Variants in ATP8B4 observed in about 807,000 individuals in gnomAD.
ATP8B4 encodes probable phospholipid-transporting ATPase IM.
Under a neutral mutation model 145.6 loss-of-function variants are expected in ATP8B4, and 133 were observed. That is an observed-to-expected ratio of 0.91 (90% CI 0.79 to 1.05). The LOEUF is 1.05. Ranked by LOEUF, ATP8B4 falls within the 50% of genes least tolerant of loss-of-function variation. The pLI is 0.00. For synonymous variants in ATP8B4, 507 were observed against 492.9 expected (o/e 1.03, Z -0.38); for missense variants, 1,458 against 1,425.2 (o/e 1.02, Z -0.37).
intron 25 of ATP8B4, among the ~76,000 whole-genome samples, chr15:49,873,053 T>G (rs1324746074): frequency 1.3e-5 from 2 of 152,228 alleles, no homozygotes; most frequent in African/African-American, 4.8e-5. Flanking sequence ...TTAAAGAAAT[T>G]ATTCCTGTTT....
rs571600131 is a variant in ATP8B4, at chr15:49,994,323, C to T, written c.589+2354G>A. ...TTCCTCCTCACCCCATCGTTTCACACTCTCTTCCCAGTCTCTTTACGTTAG... is the reference window on the plus strand; with the variant it reads ...TTCCTCCTCACCCCATCGTTTCACATTCTCTTCCCAGTCTCTTTACGTTAG... On this transcript the variant is annotated intron_variant, in intron 9 of 27. Coordinates refer to ENST00000284509, the MANE Select transcript of ATP8B4 (RefSeq NM_024837.4). Among the ~76,000 whole-genome samples, 3 of 152,276 alleles carry T rather than the reference C, an allele frequency of 2.0e-5. No homozygotes were observed. The South Asian group carries it at 6.2e-4, about 32-fold the overall frequency.
intron 10 of ATP8B4, 36 bp from the exon 11 acceptor site, chr15:49,981,330 G>T (rs763685720): frequency 2.7e-6 from 4 of 1,462,490 alleles, no homozygotes; most frequent in East Asian, 2.3e-5. Context: ...ACTTTGAAAT[G>T]ATATGATTAT....
At chr15:49,931,347 A>G in intron 15 of ATP8B4, 40 bp from the exon 16 acceptor site, 1 of 1,568,842 alleles carries the variant, frequency 6.4e-7, no homozygotes, top group Non-Finnish European at 8.7e-7. Context: ...ACTGACTAAC[A>G]GCTAACATTC....
chr15:49,870,298 G>A lies in ATP8B4; in HGVS notation c.3028-3814C>T, dbSNP rs80041576. On this transcript the variant is annotated intron_variant, in intron 25 of 27. Transcript: ENST00000284509. ...CCTTTTGTTAAATATGTGTGTATGC[G>A]TCGTCTCAAAGTACAGAAAATGTAT... Among the ~76,000 whole-genome samples, 1,140 of 152,114 alleles carry A rather than the reference G, an allele frequency of 7.5e-3. 12 individuals are homozygous for A. The highest frequency in any genetic ancestry group is 0.026 in the African/African-American group (1,083 of 41,508).
chr15:49,966,285 T>C (rs527832594), intron 13 of ATP8B4, among the ~76,000 whole-genome samples: 1 of 152,116 alleles, frequency 6.6e-6, no homozygotes, highest in South Asian at 2.1e-4. Flanking sequence ...TTCACACCCC[T>C]GGAAAGGGGA....
intron 13 of ATP8B4, among the ~76,000 whole-genome samples, chr15:49,967,759 A>G (rs1262692318): frequency 6.6e-6 from 1 of 152,230 alleles, no homozygotes; most frequent in African/African-American, 2.4e-5. Flanking sequence ...ATTCAAATTC[A>G]GAAAATACAG....
In ATP8B4 at chr15:49,861,641, C is replaced by T. The variant is rs908460879; in HGVS notation, c.3297+604G>A. 1.8e-4 allele frequency among the ~76,000 whole-genome samples: 27 copies of T among 152,268 alleles called. No homozygotes were observed. In the East Asian group the frequency reaches 4.8e-3, roughly 27 times the overall value. On this transcript the variant is annotated intron_variant, in intron 27 of 27. Coordinates refer to ENST00000284509, the MANE Select transcript of ATP8B4 (RefSeq NM_024837.4). ...GAGTCCTGACCTAAGTTGATATTGT[C>T]CTACTTACTCCTCTTCCCATGAAAT... is the stretch of plus-strand genomic sequence containing the variant.
intron 6 of ATP8B4, among the ~76,000 whole-genome samples, chr15:50,034,199 A>AT (rs1260614899): frequency 2.1e-5 from 3 of 146,298 alleles, no homozygotes; most frequent in Non-Finnish European, 4.5e-5. Flanking sequence ...GATGCTTGCC[A>AT]TTTTGGATTA....
chr15:49,977,674 TATC>T (rs1410494080), intron 12 of ATP8B4, among the ~76,000 whole-genome samples: 1 of 152,090 alleles, frequency 6.6e-6, no homozygotes, highest in African/African-American at 2.4e-5. Context: ...AGTTTTAAGG[TATC>T]ATATTTTATG....
chr15:49,953,578 C>T (rs1291501814), intron 14 of ATP8B4, among the ~76,000 whole-genome samples: 1 of 152,184 alleles, frequency 6.6e-6, no homozygotes, highest in African/African-American at 2.4e-5. Flanking sequence ...GGGAAAAGTG[C>T]ATCCTGGAGC....
At chr15:49,901,030 C>G in intron 21 of ATP8B4, 62 bp downstream of exon 21, 25 of 1,561,984 alleles carry the variant, frequency 1.6e-5, no homozygotes, top group Non-Finnish European at 2.2e-5. Context: ...ATTATGATAG[C>G]ACAAAAGAGA....
At chr15:50,149,568 T>C (rs1017346357) in intron 1 of ATP8B4, among the ~76,000 whole-genome samples, 2 of 152,022 alleles carry the variant, frequency 1.3e-5, no homozygotes, top group African/African-American at 4.8e-5. Context: ...ACAATAATAA[T>C]AATGATAATG....
intron 3 of ATP8B4, among the ~76,000 whole-genome samples, chr15:50,058,270 A>T (rs2052750134): frequency 6.6e-6 from 1 of 152,192 alleles, no homozygotes; most frequent in African/African-American, 2.4e-5. Flanking sequence ...TTGTATGATC[A>T]GAGTGGGCAT....
intron 3 of ATP8B4, among the ~76,000 whole-genome samples, chr15:50,056,716 TACACAC>T (rs72305360): frequency 2.1e-4 from 31 of 145,982 alleles, no homozygotes; most frequent in Admixed American, 4.1e-4. Flanking sequence ...TATATATATA[TACACAC>T]ACACACACAC....
At chr15:50,075,471 A>G (rs1296942215) in intron 2 of ATP8B4, among the ~76,000 whole-genome samples, 1 of 152,138 alleles carries the variant, frequency 6.6e-6, no homozygotes, top group Non-Finnish European at 1.5e-5. Context: ...TTTGGTTATG[A>G]CTGGGTTTCT....
chr15:49,923,281 G>A (rs2040418416), intron 17 of ATP8B4, 98 bp downstream of exon 17: 7 of 815,594 alleles, frequency 8.6e-6, no homozygotes, highest in Non-Finnish European at 1.2e-5. Context: ...TTCTATTTCA[G>A]TAGTCAAATC....
intron 1 of ATP8B4, among the ~76,000 whole-genome samples, chr15:50,133,952 T>C (rs960905615): frequency 6.6e-6 from 1 of 152,096 alleles, no homozygotes; most frequent in Admixed American, 6.6e-5. Flanking sequence ...CTGGGCACCA[T>C]AGCAAGACCC....
At chr15:50,156,093 A>T (rs28861538) in intron 1 of ATP8B4, among the ~76,000 whole-genome samples, 1,929 of 9,330 alleles carry the variant, frequency 0.21, 126 homozygotes, top group Non-Finnish European at 0.26. Flanking sequence ...TATATATATA[A>T]ATATATATAT....
At chr15:49,869,351 G>T (rs771779198) in intron 25 of ATP8B4, among the ~76,000 whole-genome samples, 7 of 151,876 alleles carry the variant, frequency 4.6e-5, no homozygotes, top group African/African-American at 7.3e-5. Flanking sequence ...TAATAAAAAT[G>T]AGTAGCTTAA....
Sources: allele counts gnomAD v4.1 joint callset (sites outside exome capture counted in the v4.1 genomes callset), GRCh38; gene constraint gnomAD v4.1.1; transcripts MANE v1.5; gene names NCBI Gene and HGNC (gene_info 2026-07-23, HGNC 2026-07-21).